The following CNTN3 variants were observed in gnomAD, a reference collection of about 807,000 sequenced individuals.
CNTN3 encodes the protein contactin-3.
CNTN3 carries 60 observed loss-of-function variants against 119.1 expected under a neutral mutation model. The ratio of observed to expected loss-of-function variants is 0.50; its 90% confidence interval spans 0.41 to 0.62. The LOEUF is 0.62. CNTN3 is among the 20% of genes least tolerant of loss of function. CNTN3 has a pLI of 0.00. For missense variants in CNTN3, 1,101 were observed against 1,242.4 expected, an observed-to-expected ratio of 0.89 and a Z score of 1.71; for synonymous variants, 450 against 438.7, an observed-to-expected ratio of 1.03 and a Z score of -0.32.
intron 5 of CNTN3, among the ~76,000 whole-genome samples, chr3:74,415,102 G>T (rs1701499473): frequency 6.6e-6 from 1 of 151,970 alleles, no homozygotes; most frequent in South Asian, 2.1e-4. Flanking sequence ...TTTTTTGATG[G>T]GCTTCAGGCT....
chr3:74,434,327 A>G (rs1456878396), intron 4 of CNTN3, among the ~76,000 whole-genome samples: 1 of 152,178 alleles, frequency 6.6e-6, no homozygotes, highest in African/African-American at 2.4e-5. Context: ...ATACAAGTAC[A>G]AGGTTTCATT....
At chr3:74,578,790 T>A (rs1704456801) in intron 1 of CNTN3, among the ~76,000 whole-genome samples, 1 of 152,082 alleles carries the variant, frequency 6.6e-6, no homozygotes, top group South Asian at 2.1e-4. Context: ...ATGTAATACA[T>A]CACTTTCATT....
intron 13 of CNTN3, among the ~76,000 whole-genome samples, chr3:74,329,237 G>A (rs1287177543): frequency 6.6e-6 from 1 of 152,138 alleles, no homozygotes; most frequent in Non-Finnish European, 1.5e-5. Flanking sequence ...TAACTAGAGT[G>A]AAATTGTGGC....
intron 19 of CNTN3, 25 bp from the exon 20 acceptor site, chr3:74,285,516 T>C (rs748075683): frequency 6.4e-7 from 1 of 1,573,510 alleles, no homozygotes; most frequent in Non-Finnish European, 8.6e-7. Context: ...ACACCAAACA[T>C]GTGAAGGCTT....
intron 5 of CNTN3, among the ~76,000 whole-genome samples, chr3:74,385,305 C>T (rs1171606353): frequency 6.6e-6 from 1 of 152,190 alleles, no homozygotes; most frequent in Non-Finnish European, 1.5e-5. Context: ...GAACATAGAA[C>T]ATCTCTCCAA....
intron 13 of CNTN3, among the ~76,000 whole-genome samples, chr3:74,330,770 G>C (rs2106698985): frequency 6.6e-6 from 1 of 152,082 alleles, no homozygotes; most frequent in East Asian, 1.9e-4. Context: ...CAGTGATATT[G>C]ACGATCCTGA....
chr3:74,355,358 T>C (rs1397461122), intron 11 of CNTN3, among the ~76,000 whole-genome samples: 1 of 152,126 alleles, frequency 6.6e-6, no homozygotes, highest in East Asian at 1.9e-4. Context: ...CAGGCTGTAA[T>C]ACTGTTTTGC....
At chr3:74,579,165 T>C (rs1704463570) in intron 1 of CNTN3, among the ~76,000 whole-genome samples, 1 of 149,272 alleles carries the variant, frequency 6.7e-6, no homozygotes, top group Non-Finnish European at 1.5e-5. Context: ...AAAAGTCCTT[T>C]CCATAATGAT....
chr3:74,436,728 G>T (rs898299800), intron 4 of CNTN3, among the ~76,000 whole-genome samples: 2 of 152,108 alleles, frequency 1.3e-5, no homozygotes, highest in Admixed American at 1.3e-4. Flanking sequence ...AAAAGAGATT[G>T]GGCAAGACAA....
At chr3:74,485,897 G>A (rs1027576979) in intron 4 of CNTN3, among the ~76,000 whole-genome samples, 1 of 152,096 alleles carries the variant, frequency 6.6e-6, no homozygotes, top group Admixed American at 6.6e-5. Context: ...CAGAGCCCAG[G>A]CGTCAGTGGG....
intron 3 of CNTN3, among the ~76,000 whole-genome samples, chr3:74,497,066 T>C (rs1470582941): frequency 2.6e-5 from 4 of 152,014 alleles, no homozygotes; most frequent in Admixed American, 6.6e-5. Context: ...TTCACATGGC[T>C]CCTTAATATT....
chr3:74,600,522 T>C (rs1031282305), intron 1 of CNTN3, among the ~76,000 whole-genome samples: 1 of 152,134 alleles, frequency 6.6e-6, no homozygotes, highest in Non-Finnish European at 1.5e-5. Context: ...TTAGTCTCAC[T>C]GGTAAAATGC....
chr3:74,457,006 C>G (rs994669561), intron 4 of CNTN3, among the ~76,000 whole-genome samples: 1 of 151,888 alleles, frequency 6.6e-6, no homozygotes, highest in Non-Finnish European at 1.5e-5. Flanking sequence ...AGTTCTTTCA[C>G]AAATATGCAA....
intron 1 of CNTN3, among the ~76,000 whole-genome samples, chr3:74,548,264 C>A (rs1039797269): frequency 2.0e-5 from 3 of 152,106 alleles, no homozygotes; most frequent in Non-Finnish European, 4.4e-5. Flanking sequence ...TGAAAAGAAT[C>A]TTTGACAATT....
intron 5 of CNTN3, among the ~76,000 whole-genome samples, chr3:74,421,175 A>T (rs578212507): frequency 2.8e-4 from 42 of 152,080 alleles, no homozygotes; most frequent in Middle Eastern, 6.8e-3. Context: ...TATTTTATTT[A>T]TTTTATTTTT....
intron 5 of CNTN3, among the ~76,000 whole-genome samples, chr3:74,392,377 C>T (rs1704934460): frequency 6.6e-6 from 1 of 152,012 alleles, no homozygotes; most frequent in African/African-American, 2.4e-5. Flanking sequence ...TTTGTCTTTC[C>T]TTTTCCCTCC....
In CNTN3 at chr3:74,411,967, G is replaced by T. The variant is rs80198731; in HGVS notation, c.454+12878C>A. ...TAATGTCACTGAAAACATTGCATAT[G>T]TTAGAAAAAACGGAAAAGTCCTTAA... On this transcript the variant is annotated intron_variant, in intron 5 of 22. Transcript: ENST00000263665. Among the ~76,000 whole-genome samples, 673 of 152,268 alleles carry T rather than the reference G, an allele frequency of 4.4e-3. 3 individuals are homozygous for T. The highest frequency in any genetic ancestry group is 0.015 in the African/African-American group (610 of 41,576).
intron 5 of CNTN3, among the ~76,000 whole-genome samples, chr3:74,411,546 C>T (rs1320243323): frequency 6.6e-6 from 1 of 152,128 alleles, no homozygotes; most frequent in Non-Finnish European, 1.5e-5. Context: ...ATTCTTGTTT[C>T]CCTAGCATTT....
intron 8 of CNTN3, among the ~76,000 whole-genome samples, chr3:74,366,780 G>GTGTGTGTGTATATATA (rs1447686332): frequency 1.6e-5 from 1 of 63,714 alleles, no homozygotes; most frequent in African/African-American, 8.5e-5. Context: ...GTGTGTGTGT[G>GTGTGTGTGTATATATA]TATATATATA....
Sources: gnomAD v4.1 joint callset for allele counts (sites outside exome capture counted in the v4.1 genomes callset) on GRCh38, gnomAD v4.1.1 for gene constraint, MANE v1.5 for transcripts, NCBI Gene and HGNC (gene_info 2026-07-23, HGNC 2026-07-21) for gene names.